Variants in BCAS1 observed in about 807,000 individuals in gnomAD.
BCAS1 encodes the protein brain enriched myelin associated protein 1, also known as breast carcinoma-amplified sequence 1.
Under a neutral mutation model 65.4 loss-of-function variants are expected in BCAS1, and 46 were observed. That is an observed-to-expected ratio of 0.70 (90% CI 0.55 to 0.90). BCAS1 has a LOEUF of 0.90. Among genes scored for constraint, BCAS1 ranks in the 40% least tolerant of loss-of-function variants. The probability of loss-of-function intolerance (pLI) is 0.00; values close to 1 mark genes in which losing one functional copy is unlikely to be tolerated. For synonymous variants in BCAS1, 298 were observed against 293.5 expected, an observed-to-expected ratio of 1.02 and a Z score of -0.16; for missense variants, 793 against 771.2, an observed-to-expected ratio of 1.03 and a Z score of -0.33.
chr20:54,020,935 AT>A (rs2091543485), intron 4 of BCAS1, among the ~76,000 whole-genome samples: 1 of 152,252 alleles, frequency 6.6e-6, no homozygotes, highest in East Asian at 1.9e-4. Context: ...AGTTCTTACT[AT>A]GGGGTCACAG....
chr20:54,013,849 G>T (rs1481126136), intron 4 of BCAS1, among the ~76,000 whole-genome samples: 1 of 152,140 alleles, frequency 6.6e-6, no homozygotes, highest in African/African-American at 2.4e-5. Flanking sequence ...GTTACCGTTT[G>T]TGTAAAAAAG....
chr20:53,958,338 T>C (rs1348373802), intron 10 of BCAS1, among the ~76,000 whole-genome samples: 1 of 152,222 alleles, frequency 6.6e-6, no homozygotes, highest in African/African-American at 2.4e-5. Flanking sequence ...TGATAAAATG[T>C]TCGGTTCTTA....
At chr20:54,051,722 TTTG>T (rs2092216460) in intron 3 of BCAS1, among the ~76,000 whole-genome samples, 1 of 100,714 alleles carries the variant, frequency 9.9e-6, no homozygotes, top group African/African-American at 5.0e-5. Context: ...TGGTTTTTTT[TTTG>T]TTTGTTGTTG....
At position 54,058,145 on chromosome 20, in the gene BCAS1, A is replaced by C; in HGVS notation, c.82T>G (p.Ser28Ala). 1 of 1,614,092 alleles carries C rather than the reference A, an allele frequency of 6.2e-7. No homozygotes were observed. Among genetic ancestry groups the C allele is most frequent in the Non-Finnish European group, 8.5e-7 (1 of 1,179,986 alleles). Reference sequence around the variant, plus strand: ...ACCACTGGAACCCCGTTCAGAGCAGACGCGTTGTCCTGAAACAGAGCACGT... The same window carrying C: ...ACCACTGGAACCCCGTTCAGAGCAGCCGCGTTGTCCTGAAACAGAGCACGT... ...PEAETYQDNA[S>A]ALNGVPVVVS... The change falls in exon 3 of 13, where the codon TCT becomes GCT. Residue 28 changes from serine (S) to alanine (A), a missense_variant. Ser to Ala is a moderately conservative substitution (Grantham distance 99, BLOSUM62 1). Transcript: ENST00000688948.
intron 8 of BCAS1, among the ~76,000 whole-genome samples, chr20:53,982,107 C>T (rs1442682805): frequency 6.6e-6 from 1 of 152,158 alleles, no homozygotes. Context: ...AAAGGAGGGT[C>T]TTTGAGTGGT....
chr20:53,998,227 A>G (rs941760806), intron 4 of BCAS1, among the ~76,000 whole-genome samples: 1 of 152,170 alleles, frequency 6.6e-6, no homozygotes, highest in Non-Finnish European at 1.5e-5. Flanking sequence ...TGGGTTGACT[A>G]TCCCAACCAC....
intron 3 of BCAS1, among the ~76,000 whole-genome samples, chr20:54,052,018 C>T (rs572413696): frequency 2.0e-5 from 3 of 152,244 alleles, no homozygotes; most frequent in South Asian, 4.2e-4. Context: ...GGATTACACG[C>T]GTGAGCCACT....
chr20:54,066,289 G>C (rs1046879648), intron 1 of BCAS1, among the ~76,000 whole-genome samples: 3 of 152,136 alleles, frequency 2.0e-5, no homozygotes, highest in Non-Finnish European at 4.4e-5. Context: ...AGCCAGGATG[G>C]TCTCGATCTC....
intron 2 of BCAS1, 129 bp downstream of exon 2, chr20:54,058,518 A>T: frequency 6.9e-7 from 1 of 1,453,860 alleles, no homozygotes; most frequent in Non-Finnish European, 9.1e-7. Context: ...TCCTCGCTCC[A>T]CTGTCTTGCA....
chr20:53,950,070 G>A (rs78480097), intron 12 of BCAS1, among the ~76,000 whole-genome samples: 7 of 152,184 alleles, frequency 4.6e-5, no homozygotes, highest in Non-Finnish European at 1.0e-4. Context: ...TATCAACAGG[G>A]GCCAAGACTT....
intron 3 of BCAS1, among the ~76,000 whole-genome samples, chr20:54,053,388 A>G (rs1216707261): frequency 6.6e-6 from 1 of 152,234 alleles, no homozygotes; most frequent in Non-Finnish European, 1.5e-5. Context: ...CTAGGAGGAT[A>G]CAGAATGTAA....
At chr20:54,043,468 G>A (rs2092039164) in intron 3 of BCAS1, among the ~76,000 whole-genome samples, 1 of 152,088 alleles carries the variant, frequency 6.6e-6, no homozygotes, top group Non-Finnish European at 1.5e-5. Context: ...TTTGAATTGG[G>A]AAATTTCATT....
intron 4 of BCAS1, among the ~76,000 whole-genome samples, chr20:54,024,692 C>T (rs571237006): frequency 3.3e-5 from 1 of 30,766 alleles, no homozygotes; most frequent in African/African-American, 1.4e-4. Flanking sequence ...TGGAAGAGTA[C>T]CAGGGAGGTG....
chr20:53,991,683 A>G (rs1431635958), intron 7 of BCAS1, among the ~76,000 whole-genome samples: 1 of 152,138 alleles, frequency 6.6e-6, no homozygotes, highest in Non-Finnish European at 1.5e-5. Context: ...GCCTTCATTC[A>G]TTGCTTTTTT....
chr20:54,035,228 G>A lies in BCAS1; in HGVS notation c.143-6256C>T, dbSNP rs578069418. 4.7e-5 allele frequency among the ~76,000 whole-genome samples: 7 copies of A among 150,488 alleles called. 1 individual carries two copies. The highest frequency in any genetic ancestry group is 2.1e-4 in the South Asian group (1 of 4,740). ...GAGATCGAGAACACGGTGAAACCCCGTCTCTACTAAAAATACAAAAAATTA... is the reference window on the plus strand; with the variant it reads ...GAGATCGAGAACACGGTGAAACCCCATCTCTACTAAAAATACAAAAAATTA... On this transcript the variant is annotated intron_variant, in intron 3 of 12. Coordinates refer to ENST00000688948, the MANE Select transcript of BCAS1 (RefSeq NM_001366298.2).
chr20:54,052,985 A>C (rs2092243187), intron 3 of BCAS1, among the ~76,000 whole-genome samples: 1 of 152,218 alleles, frequency 6.6e-6, no homozygotes, highest in Non-Finnish European at 1.5e-5. Context: ...AAAAGGATGG[A>C]GACAAATTGA....
intron 4 of BCAS1, among the ~76,000 whole-genome samples, chr20:54,017,485 T>G (rs2091464813): frequency 6.6e-6 from 1 of 151,450 alleles, no homozygotes; most frequent in African/African-American, 2.4e-5. Context: ...AATCTCCATC[T>G]CCCAGGTTCA....
intron 11 of BCAS1, among the ~76,000 whole-genome samples, chr20:53,954,786 G>A (rs921563804): frequency 6.6e-6 from 1 of 152,200 alleles, no homozygotes; most frequent in Admixed American, 6.5e-5. Flanking sequence ...GGCTGGCTTT[G>A]ATGTTGGGGA....
chr20:53,989,344 A>G (rs2090696673), intron 7 of BCAS1, among the ~76,000 whole-genome samples: 1 of 152,196 alleles, frequency 6.6e-6, no homozygotes, highest in Admixed American at 6.5e-5. Flanking sequence ...TATAGTAACT[A>G]TATAATTCTA....
Sources: allele counts gnomAD v4.1 joint callset (sites outside exome capture counted in the v4.1 genomes callset), GRCh38; gene constraint gnomAD v4.1.1; transcripts MANE v1.5; gene names NCBI Gene and HGNC (gene_info 2026-07-23, HGNC 2026-07-21).